Variants in POLI observed in about 807,000 individuals in gnomAD.
POLI encodes RAD30 homolog B.
Under a neutral mutation model 51.6 loss-of-function variants are expected in POLI, and 58 were observed. That is an observed-to-expected ratio of 1.12 (90% CI 0.91 to 1.40). POLI has a LOEUF of 1.40. POLI is among the 40% of genes most tolerant of loss of function. The pLI, the probability that POLI is intolerant of heterozygous loss-of-function variation, is 0.00. For missense variants in POLI, 921 were observed against 871.3 expected, an observed-to-expected ratio of 1.06 and a Z score of -0.72; for synonymous variants, 322 against 299.7, an observed-to-expected ratio of 1.07 and a Z score of -0.77.
chr18:54,305,047 G>C (rs1370373902), intron 3 of POLI, among the ~76,000 whole-genome samples: 2 of 152,162 alleles, frequency 1.3e-5, no homozygotes, highest in Non-Finnish European at 2.9e-5. Flanking sequence ...GTTTTTGTCA[G>C]ATTTGTCAAA....
At chr18:54,288,620 G>C (rs1246630195) in intron 8 of POLI, among the ~76,000 whole-genome samples, 1 of 150,362 alleles carries the variant, frequency 6.7e-6, no homozygotes. Context: ...CTGCTGCTCT[G>C]TTTATTTTTC....
intron 3 of POLI, among the ~76,000 whole-genome samples, chr18:54,320,076 A>G (rs534993850): frequency 1.3e-5 from 2 of 152,362 alleles, no homozygotes; most frequent in African/African-American, 4.8e-5. Flanking sequence ...TCTAAATCAT[A>G]GTATAACTAC....
chr18:54,296,340 C>G lies in POLI; in HGVS notation c.*1873C>G. 1.0e-6 allele frequency: 1 copy of G among 984,994 alleles called. No individual in the cohort carries two copies. Among genetic ancestry groups the G allele is most frequent in the East Asian group, 1.1e-4 (1 of 8,824 alleles). 61.0% of individuals were successfully genotyped at this position (984,994 alleles called of 1,614,324 possible). On this transcript the variant is annotated 3_prime_UTR_variant, in exon 10 of 10. Transcript: ENST00000579534. ...GAATGTACGGGCTATGTCACAGTTA[C>G]GCTACTTATTTTGTGGTTTTAAGTT...
chr18:54,308,734 T>G (rs551066586), intron 3 of POLI, among the ~76,000 whole-genome samples: 1 of 152,358 alleles, frequency 6.6e-6, no homozygotes, highest in South Asian at 2.1e-4. Flanking sequence ...AATGTAGATT[T>G]GGTCTTTTCA....
chr18:54,270,024 T>C (rs1568113103), intron 1 of POLI: 2 of 1,013,278 alleles, frequency 2.0e-6, no homozygotes, highest in South Asian at 8.8e-5. Flanking sequence ...GTCGCTCATT[T>C]GGCAGAAGGT....
intron 3 of POLI, among the ~76,000 whole-genome samples, chr18:54,310,576 T>A (rs563611): frequency 0.25 from 38,434 of 151,802 alleles, 5,085 homozygotes; most frequent in Middle Eastern, 0.3. Flanking sequence ...TCACAAAGAG[T>A]GTTACACTTT....
At chr18:54,279,981 A>G (rs1236067961) in intron 4 of POLI, among the ~76,000 whole-genome samples, 1 of 152,136 alleles carries the variant, frequency 6.6e-6, no homozygotes, top group Non-Finnish European at 1.5e-5. Flanking sequence ...TTATGAGATC[A>G]GTTTTCACAA....
chr18:54,317,304 G>GCTCAGA (rs1296470793), intron 3 of POLI, among the ~76,000 whole-genome samples: 16 of 152,258 alleles, frequency 1.1e-4, no homozygotes, highest in African/African-American at 3.1e-4. Context: ...ATGTGAGTGA[G>GCTCAGA]CTCAGACTTA....
chr18:54,292,585 T>TA (rs1270432750), intron 9 of POLI, among the ~76,000 whole-genome samples: 1 of 152,132 alleles, frequency 6.6e-6, no homozygotes, highest in Non-Finnish European at 1.5e-5. Context: ...CAAAACCCTT[T>TA]TATTAATAGA....
rs1417270478 is a variant in POLI, at chr18:54,295,523, T to C, written c.*1056T>C. On this transcript the variant is annotated 3_prime_UTR_variant, in exon 10 of 10. Transcript: ENST00000579534. ...GAGTATCCTGGTCTCAAGTTTATAA[T>C]TTTTGCACATATAATCTAAAGAAGA... The C allele has an allele frequency of 1.3e-5, 12 of 899,106 alleles. No homozygotes were observed. Among genetic ancestry groups the C allele is most frequent in the Non-Finnish European group, 1.5e-5 (11 of 751,580 alleles). The allele number at this position is 899,106 out of a possible 1,614,324, so 55.7% of individuals were successfully genotyped here. A position where few individuals can be genotyped will look rare whatever the true frequency, so the allele number is the denominator to read the frequency against.
chr18:54,293,840 C>T lies in POLI; in HGVS notation c.1596C>T (p.Phe532=), dbSNP rs55920515. 46 of 1,610,034 alleles carry T rather than the reference C, an allele frequency of 2.9e-5. No individual in the cohort carries two copies. In the South Asian group the frequency reaches 4.5e-4, roughly 16 times the overall value. Residue 532 remains phenylalanine (F), a synonymous_variant, in exon 10 of 10, where the codon TTC becomes TTT. Transcript: ENST00000579534. ...CTGAAGGTGTTGACCAAGAAGTCTT[C>T]AAGCAGCTTCCAGTAGATATTCAAG... ...SLPEGVDQEV[F]KQLPVDIQEE...
intron 7 of POLI, 161 bp downstream of exon 7, chr18:54,284,174 G>C (rs762093981): frequency 2.1e-6 from 1 of 467,790 alleles, no homozygotes; most frequent in African/African-American, 2.0e-5. Flanking sequence ...ATAAACTGTT[G>C]TAAAGATGGT....
chr18:54,290,169 G>A (rs1284385280), intron 8 of POLI, among the ~76,000 whole-genome samples: 1 of 152,188 alleles, frequency 6.6e-6, no homozygotes, highest in Non-Finnish European at 1.5e-5. Flanking sequence ...GTGGGCAAAG[G>A]ATATGAACAG....
At chr18:54,310,226 C>A (rs754188269) in intron 3 of POLI, among the ~76,000 whole-genome samples, 1 of 152,164 alleles carries the variant, frequency 6.6e-6, no homozygotes, top group African/African-American at 2.4e-5. Context: ...TTGTAGCGGA[C>A]CCCTGTTTTC....
At chr18:54,285,494 G>A (rs919424959) in intron 7 of POLI, among the ~76,000 whole-genome samples, 2 of 149,720 alleles carry the variant, frequency 1.3e-5, no homozygotes, top group African/African-American at 4.9e-5. Context: ...CACCATCTAA[G>A]TGACTTGCAA....
chr18:54,282,059 T>C (rs563375499), intron 5 of POLI, among the ~76,000 whole-genome samples: 1 of 152,282 alleles, frequency 6.6e-6, no homozygotes, highest in Admixed American at 6.5e-5. Flanking sequence ...TTCTGGCTCA[T>C]AGTTGTATTC....
chr18:54,287,410 A>G lies in POLI; in HGVS notation c.1197A>G (p.Thr399=), dbSNP rs1194185996. 4.4e-6 allele frequency: 7 copies of G among 1,607,130 alleles called. No homozygotes were observed. Among genetic ancestry groups the G allele is most frequent in the South Asian group, 1.1e-5 (1 of 89,836 alleles). The part of the protein sequence containing the change: ...IPSHVIQKLG[T]GNYDVMTPMV... ...CACATGTAATTCAGAAATTAGGGAC[A>G]GGTATGGACTAGTTTTCCAACAGTT... The change falls in exon 8 of 10, where the codon ACA becomes ACG. Residue 399 remains threonine (T), a splice_region_variant and synonymous_variant. Coordinates refer to ENST00000579534, the MANE Select transcript of POLI (RefSeq NM_007195.3).
chr18:54,279,914 A>G (rs952067658), intron 4 of POLI, among the ~76,000 whole-genome samples: 6 of 152,214 alleles, frequency 3.9e-5, no homozygotes, highest in African/African-American at 1.4e-4. Context: ...TAATACTTCT[A>G]TGCCTACTTA....
intron 6 of POLI, chr18:54,283,709 G>GT (rs1447880315): frequency 3.3e-6 from 1 of 303,964 alleles, no homozygotes. Flanking sequence ...TATATTAACT[G>GT]TTAATACAGT....
Sources: allele counts gnomAD v4.1 joint callset (sites outside exome capture counted in the v4.1 genomes callset), GRCh38; gene constraint gnomAD v4.1.1; transcripts MANE v1.5; gene names NCBI Gene and HGNC (gene_info 2026-07-23, HGNC 2026-07-21).